The following PTH2R variants were observed in gnomAD, a reference collection of about 807,000 sequenced individuals.
PTH2R encodes PTH2 receptor.
Under a neutral mutation model 60.3 loss-of-function variants are expected in PTH2R, and 59 were observed. The observed-to-expected ratio is 0.98, with a 90% CI of 0.79 to 1.22. PTH2R has a LOEUF of 1.22. PTH2R is among the 50% of genes most tolerant of loss of function. The pLI, the probability that PTH2R is intolerant of heterozygous loss-of-function variation, is 0.00. For synonymous variants in PTH2R, 256 were observed against 243.8 expected (o/e 1.05, Z -0.47); for missense variants, 749 against 682.6 (o/e 1.10, Z -1.08).
chr2:208,492,013 T>C (rs1230832821), intron 12 of PTH2R, among the ~76,000 whole-genome samples: 1 of 152,308 alleles, frequency 6.6e-6, no homozygotes, highest in African/African-American at 2.4e-5. Flanking sequence ...GATGAACAGA[T>C]AGAAGTTTGT....
At chr2:208,458,211 A>G (rs968806340) in intron 8 of PTH2R, among the ~76,000 whole-genome samples, 3 of 152,178 alleles carry the variant, frequency 2.0e-5, no homozygotes, top group Non-Finnish European at 2.9e-5. Context: ...ATAGATATTT[A>G]TTGACTACCT....
rs539931407 is a variant in PTH2R, at chr2:208,468,770, T to C, written c.981+8809T>C. 4.1e-4 allele frequency among the ~76,000 whole-genome samples: 62 copies of C among 152,342 alleles called. No homozygotes were observed. The South Asian group carries it at 0.012, about 30-fold the overall frequency. Reference sequence around the variant, plus strand: ...CTTTTCAACATCACAGTATATCATGTCTTTCATTGTTGAATGTCCATCTTT... The same window carrying C: ...CTTTTCAACATCACAGTATATCATGCCTTTCATTGTTGAATGTCCATCTTT... On this transcript the variant is annotated intron_variant, in intron 9 of 12. Transcript: ENST00000272847.
At chr2:208,415,675 A>T (rs1443337432) in intron 1 of PTH2R, among the ~76,000 whole-genome samples, 2 of 152,236 alleles carry the variant, frequency 1.3e-5, no homozygotes, top group Non-Finnish European at 2.9e-5. Context: ...ATAATACAAT[A>T]TATGTTGTCA....
intron 1 of PTH2R, among the ~76,000 whole-genome samples, chr2:208,417,675 G>A (rs544931512): frequency 1.4e-5 from 2 of 148,062 alleles, no homozygotes; most frequent in South Asian, 2.2e-4. Flanking sequence ...TCAGCCTCCC[G>A]AGTAGCTGGG....
chr2:208,417,436 A>G (rs777088247), intron 1 of PTH2R, among the ~76,000 whole-genome samples: 3 of 152,016 alleles, frequency 2.0e-5, no homozygotes, highest in Non-Finnish European at 4.4e-5. Flanking sequence ...TTGAAAATAC[A>G]TGGATTTATT....
chr2:208,492,953 C>A (rs1703439265), intron 12 of PTH2R, among the ~76,000 whole-genome samples: 1 of 152,142 alleles, frequency 6.6e-6, no homozygotes, highest in Admixed American at 6.5e-5. Flanking sequence ...TCTTCCAACC[C>A]AGAATCTCCT....
upstream of PTH2R, among the ~76,000 whole-genome samples, chr2:208,402,378 A>G (rs1025142078): frequency 1.3e-5 from 2 of 152,192 alleles, no homozygotes; most frequent in Non-Finnish European, 2.9e-5. Flanking sequence ...CTTTAGGAGA[A>G]AACCAGTATG....
chr2:208,421,454 C>G (rs1284364591), intron 1 of PTH2R, among the ~76,000 whole-genome samples: 1 of 151,162 alleles, frequency 6.6e-6, no homozygotes, highest in Non-Finnish European at 1.5e-5. Context: ...GTATATCTTA[C>G]CTGTTTTTCT....
chr2:208,398,143 A>G (rs527560268), intron 1 of PTH2R, among the ~76,000 whole-genome samples: 1 of 152,330 alleles, frequency 6.6e-6, no homozygotes, highest in South Asian at 2.1e-4. Context: ...CATAGAAAAG[A>G]CTGAATTTGT....
chr2:208,367,667 G>C lies in PTH2R; in HGVS notation c.-259+7430G>C, dbSNP rs1190345819. Among the ~76,000 whole-genome samples, 3 of 152,180 alleles carry C rather than the reference G, an allele frequency of 2.0e-5. No homozygotes were observed. The East Asian group carries it at 5.8e-4, about 29-fold the overall frequency. On this transcript the variant is annotated intron_variant, in intron 1 of 12. Coordinates refer to the PTH2R transcript ENST00000617735. Reference sequence around the variant, plus strand: ...TTACAGGCATGAGCCACTGTGCCCAGCCTCAAATTTAAGAAGAAACAGTTA... The same window carrying C: ...TTACAGGCATGAGCCACTGTGCCCACCCTCAAATTTAAGAAGAAACAGTTA...
chr2:208,406,360 G>A (rs1035371235), upstream of PTH2R, among the ~76,000 whole-genome samples: 1 of 152,068 alleles, frequency 6.6e-6, no homozygotes, highest in African/African-American at 2.4e-5. Context: ...AACACACACC[G>A]AGTATTATTA....
In PTH2R at chr2:208,420,667, G is replaced by A. The variant is rs577238958; in HGVS notation, c.76-7534G>A. The stretch of plus-strand genomic sequence containing the variant: ...TATAGATTCACATGCAGTGTAAGAA[G>A]TAATACAGACACTAAATACCTTTCA... On this transcript the variant is annotated intron_variant, in intron 1 of 12. Coordinates refer to ENST00000272847, the MANE Select transcript of PTH2R (RefSeq NM_005048.4). Among the ~76,000 whole-genome samples the A allele has an allele frequency of 5.9e-5, 9 of 152,304 alleles. No homozygotes were observed. The East Asian group carries it at 1.5e-3, about 26-fold the overall frequency.
At chr2:208,479,721 C>A (rs1254473490) in intron 9 of PTH2R, among the ~76,000 whole-genome samples, 2 of 152,146 alleles carry the variant, frequency 1.3e-5, no homozygotes, top group African/African-American at 2.4e-5. Context: ...CAGAAGGTAT[C>A]AGATGGTGGT....
At chr2:208,435,044 A>C (rs971472954) in intron 2 of PTH2R, among the ~76,000 whole-genome samples, 1 of 152,240 alleles carries the variant, frequency 6.6e-6, no homozygotes, top group Non-Finnish European at 1.5e-5. Context: ...GGCAATGCAC[A>C]AAGCAAATCA....
intron 1 of PTH2R, among the ~76,000 whole-genome samples, chr2:208,363,656 T>G (rs1574804965): frequency 6.6e-6 from 1 of 152,354 alleles, no homozygotes; most frequent in East Asian, 1.9e-4. Flanking sequence ...TGTTTCCTTT[T>G]CTGCACAACC....
At chr2:208,395,540 A>T (rs1465720335) in intron 1 of PTH2R, among the ~76,000 whole-genome samples, 1 of 152,196 alleles carries the variant, frequency 6.6e-6, no homozygotes, top group Non-Finnish European at 1.5e-5. Flanking sequence ...GATTGCAACG[A>T]CATTTTCCTG....
chr2:208,438,283 G>C (rs1702117143), intron 4 of PTH2R, among the ~76,000 whole-genome samples: 2 of 152,124 alleles, frequency 1.3e-5, no homozygotes, highest in South Asian at 4.1e-4. Context: ...GCATTTTAGA[G>C]GTGTATTTTC....
At chr2:208,364,039 T>G (rs1405004569) in intron 1 of PTH2R, among the ~76,000 whole-genome samples, 2 of 152,226 alleles carry the variant, frequency 1.3e-5, no homozygotes, top group Non-Finnish European at 2.9e-5. Context: ...AATTTTTGTT[T>G]TTGTTGCTTT....
At chr2:208,430,607 C>T (rs1003383109) in intron 2 of PTH2R, among the ~76,000 whole-genome samples, 3 of 149,784 alleles carry the variant, frequency 2.0e-5, no homozygotes, top group Middle Eastern at 3.3e-3. Flanking sequence ...AGTGCAGTGG[C>T]ATGATCTTGG....
Sources: allele counts gnomAD v4.1 joint callset (sites outside exome capture counted in the v4.1 genomes callset), GRCh38; gene constraint gnomAD v4.1.1; transcripts MANE v1.5; gene names NCBI Gene and HGNC (gene_info 2026-07-23, HGNC 2026-07-21).